UNC5C: variants seen among roughly 807,000 people sequenced by gnomAD.
UNC5C encodes the protein netrin receptor UNC5C.
A neutral mutation model predicts 99.8 loss-of-function variants in UNC5C; 47 were observed. The observed-to-expected ratio is 0.47, with a 90% CI of 0.37 to 0.60. The LOEUF (loss-of-function observed/expected upper bound fraction) is 0.60. Among genes scored for constraint, UNC5C ranks in the 20% least tolerant of loss-of-function variants. The probability of loss-of-function intolerance (pLI) is 0.00; values close to 1 mark genes in which losing one functional copy is unlikely to be tolerated. For missense variants in UNC5C, 1,062 were observed against 1,165.9 expected (o/e 0.91, Z 1.30); for synonymous variants, 487 against 452.2 (o/e 1.08, Z -0.98).
chr4:95,400,914 T>C (rs948366325), intron 1 of UNC5C, among the ~76,000 whole-genome samples: 1 of 152,202 alleles, frequency 6.6e-6, no homozygotes, highest in African/African-American at 2.4e-5. Flanking sequence ...TGGTAAATAT[T>C]ACAGGGGAGT....
At position 95,322,341 on chromosome 4, in the gene UNC5C, T is replaced by A. The variant is rs373010993; in HGVS notation, c.346+13069A>T. On this transcript the variant is annotated intron_variant, in intron 2 of 15. Coordinates refer to ENST00000453304, the MANE Select transcript of UNC5C (RefSeq NM_003728.4). ...TTACTTATTCATGAAATATTCCAAATACACACTGTTGGTTTGTCTCACTAA... is the reference window on the plus strand; with the variant it reads ...TTACTTATTCATGAAATATTCCAAAAACACACTGTTGGTTTGTCTCACTAA... 2.6e-4 allele frequency among the ~76,000 whole-genome samples: 39 copies of A among 152,230 alleles called. 1 individual carries two copies. The highest frequency in any genetic ancestry group is 1.0e-3 in the Admixed American group (16 of 15,288).
rs142154939 is a variant in UNC5C, at chr4:95,400,976, C to T, written c.125-65345G>A. 5.9e-5 allele frequency among the ~76,000 whole-genome samples: 9 copies of T among 152,270 alleles called. No individual in the cohort carries two copies. The East Asian group carries it at 9.7e-4, about 16-fold the overall frequency. The stretch of plus-strand genomic sequence containing the variant: ...CATATGGAGCCAAATTGCCAGCAAA[C>T]GGATTCTTTCTTCATTGATATTCTC... On this transcript the variant is annotated intron_variant, in intron 1 of 15. Coordinates refer to ENST00000453304, the MANE Select transcript of UNC5C (RefSeq NM_003728.4).
intron 1 of UNC5C, among the ~76,000 whole-genome samples, chr4:95,475,501 T>C (rs1479491362): frequency 2.0e-5 from 3 of 152,088 alleles, no homozygotes; most frequent in East Asian, 1.9e-4. Flanking sequence ...TCTTTGCTTC[T>C]GTCCTGTGAC....
rs1056570491 is a variant in UNC5C, at chr4:95,270,238, G to A, written c.594+8021C>T. ...GGATGTTCTCTCTTGCTAAAAACCA[G>A]AGGCTACTTTGTAGATTTTTGCTTC... On this transcript the variant is annotated intron_variant, in intron 4 of 15. Coordinates refer to ENST00000453304, the MANE Select transcript of UNC5C (RefSeq NM_003728.4). Among the ~76,000 whole-genome samples the A allele has an allele frequency of 2.6e-5, 4 of 152,120 alleles. 1 individual carries two copies. Among genetic ancestry groups the A allele is most frequent in the Admixed American group, 2.6e-4 (4 of 15,286 alleles).
At chr4:95,442,876 T>C (rs1261235719) in intron 1 of UNC5C, among the ~76,000 whole-genome samples, 1 of 152,078 alleles carries the variant, frequency 6.6e-6, no homozygotes. Flanking sequence ...ATGCTATGTA[T>C]GTATGTATAG....
chr4:95,196,407 C>T (rs1388894896), intron 12 of UNC5C, among the ~76,000 whole-genome samples: 1 of 152,052 alleles, frequency 6.6e-6, no homozygotes, highest in Admixed American at 6.6e-5. Flanking sequence ...GAGCATTGCT[C>T]CCAGTGGTCC....
chr4:95,473,223 C>T (rs1005471105), intron 1 of UNC5C, among the ~76,000 whole-genome samples: 27 of 152,100 alleles, frequency 1.8e-4, no homozygotes, highest in Non-Finnish European at 3.8e-4. Flanking sequence ...GACAATTATA[C>T]TGAAAATATC....
chr4:95,318,002 G>A (rs1742541855), intron 2 of UNC5C, among the ~76,000 whole-genome samples: 1 of 151,972 alleles, frequency 6.6e-6, no homozygotes. Context: ...ATCTTACTTT[G>A]TTTGACAAAA....
intron 1 of UNC5C, among the ~76,000 whole-genome samples, chr4:95,383,574 A>G (rs1351242886): frequency 2.0e-5 from 3 of 152,166 alleles, no homozygotes; most frequent in African/African-American, 7.2e-5. Context: ...GAATCTGCTT[A>G]CCTTTTGCTA....
intron 1 of UNC5C, among the ~76,000 whole-genome samples, chr4:95,502,009 G>C (rs1721788206): frequency 6.6e-6 from 1 of 152,086 alleles, no homozygotes; most frequent in African/African-American, 2.4e-5. Context: ...ATCAGCCTCT[G>C]AAGAAGTGAC....
chr4:95,548,780 A>G lies in UNC5C; in HGVS notation c.78T>C (p.Pro26=). The change falls in exon 1 of 16, where the codon CCT becomes CCC. Residue 26 remains proline, a synonymous_variant. Transcript: ENST00000453304. The part of the protein sequence containing the change: ...LGYLLQMLVL[P]ALALLSASGT... Reference sequence around the variant, plus strand: ...CGCTGGCGCTGAGCAGGGCCAGGGCAGGTAGCACGAGCATTTGCAGCAAGT... The same window carrying G: ...CGCTGGCGCTGAGCAGGGCCAGGGCGGGTAGCACGAGCATTTGCAGCAAGT... 1 of 1,613,404 alleles carries G rather than the reference A, an allele frequency of 6.2e-7. No homozygotes were observed. The highest frequency in any genetic ancestry group is 1.1e-5 in the South Asian group (1 of 91,062).
chr4:95,169,446 T>C (rs370903041), intron 15 of UNC5C, 47 bp from the exon 16 acceptor site: 18 of 1,594,930 alleles, frequency 1.1e-5, no homozygotes, highest in Middle Eastern at 1.7e-4. Flanking sequence ...GACTTACATA[T>C]CTATTTTTCC....
chr4:95,481,370 A>C (rs1191992771), intron 1 of UNC5C, among the ~76,000 whole-genome samples: 13 of 152,102 alleles, frequency 8.5e-5, no homozygotes, highest in Admixed American at 3.9e-4. Context: ...GGATACAAAC[A>C]AATGGAACAA....
intron 1 of UNC5C, among the ~76,000 whole-genome samples, chr4:95,409,498 G>T (rs1377622941): frequency 6.6e-6 from 1 of 152,154 alleles, no homozygotes; most frequent in Non-Finnish European, 1.5e-5. Flanking sequence ...GTGCATTAAT[G>T]TTGCTCTGAT....
At chr4:95,169,529 C>G (rs1398577658) in intron 15 of UNC5C, 130 bp from the exon 16 acceptor site, 9 of 977,444 alleles carry the variant, frequency 9.2e-6, no homozygotes, top group Middle Eastern at 2.3e-4. Flanking sequence ...GTGAGCCATC[C>G]TAAATAACTA....
intron 1 of UNC5C, among the ~76,000 whole-genome samples, chr4:95,417,983 A>T (rs1423006313): frequency 1.3e-5 from 2 of 152,204 alleles, no homozygotes; most frequent in Non-Finnish European, 2.9e-5. Context: ...AAAGAAAATG[A>T]CTTACTGATA....
At chr4:95,429,849 C>G (rs1287568174) in intron 1 of UNC5C, among the ~76,000 whole-genome samples, 1 of 152,034 alleles carries the variant, frequency 6.6e-6, no homozygotes, top group African/African-American at 2.4e-5. Flanking sequence ...AGCTATCAAG[C>G]CTTGTAAAGA....
chr4:95,190,773 C>T (rs959022361), intron 12 of UNC5C, among the ~76,000 whole-genome samples: 1 of 152,158 alleles, frequency 6.6e-6, no homozygotes, highest in Non-Finnish European at 1.5e-5. Flanking sequence ...GCCCAGCGTC[C>T]GCCAGGGATC....
chr4:95,474,257 C>T (rs1192763758), intron 1 of UNC5C, among the ~76,000 whole-genome samples: 2 of 152,026 alleles, frequency 1.3e-5, no homozygotes, highest in Admixed American at 6.6e-5. Flanking sequence ...TACACACACA[C>T]GTGTGTGAGT....
Sources: allele counts gnomAD v4.1 joint callset (sites outside exome capture counted in the v4.1 genomes callset), GRCh38; gene constraint gnomAD v4.1.1; transcripts MANE v1.5; gene names NCBI Gene and HGNC (gene_info 2026-07-23, HGNC 2026-07-21).